The following ARHGAP15 variants were observed in gnomAD, a reference collection of about 807,000 sequenced individuals.
ARHGAP15 encodes the protein rho GTPase-activating protein 15.
Under a neutral mutation model 63.7 loss-of-function variants are expected in ARHGAP15, and 51 were observed. The ratio of observed to expected loss-of-function variants is 0.80; its 90% CI spans 0.64 to 1.01. The LOEUF is 1.01. Ranked by LOEUF, ARHGAP15 falls within the 50% of genes least tolerant of loss-of-function variation. The pLI is 0.00. For synonymous variants in ARHGAP15, 191 were observed against 193.8 expected, an observed-to-expected ratio of 0.99 and a Z score of 0.12; for missense variants, 560 against 564.6, an observed-to-expected ratio of 0.99 and a Z score of 0.08.
chr2:143,537,872 G>C (rs537761188), intron 10 of ARHGAP15, among the ~76,000 whole-genome samples: 316 of 151,786 alleles, frequency 2.1e-3, no homozygotes, highest in Non-Finnish European at 2.5e-3. Flanking sequence ...GCTCTTTTTT[G>C]GTTCCATATG....
intron 6 of ARHGAP15, among the ~76,000 whole-genome samples, chr2:143,417,402 G>A (rs1688737086): frequency 6.6e-6 from 1 of 152,124 alleles, no homozygotes; most frequent in Non-Finnish European, 1.5e-5. Context: ...AATGCACTAG[G>A]AGAAGAGCAT....
intron 6 of ARHGAP15, among the ~76,000 whole-genome samples, chr2:143,257,723 A>G (rs1680498950): frequency 6.6e-6 from 1 of 152,028 alleles, no homozygotes; most frequent in Non-Finnish European, 1.5e-5. Flanking sequence ...TTTTCCCATA[A>G]GCAGAATGAG....
intron 11 of ARHGAP15, among the ~76,000 whole-genome samples, chr2:143,615,488 T>A (rs1330347578): frequency 6.6e-6 from 1 of 152,218 alleles, no homozygotes; most frequent in Non-Finnish European, 1.5e-5. Flanking sequence ...ATTGGATGCT[T>A]TTCATATATT....
intron 8 of ARHGAP15, among the ~76,000 whole-genome samples, chr2:143,440,648 C>T (rs1283827028): frequency 3.3e-5 from 5 of 152,138 alleles, no homozygotes; most frequent in Non-Finnish European, 7.3e-5. Flanking sequence ...TTTACATATA[C>T]TTTTCTTTTA....
intron 10 of ARHGAP15, among the ~76,000 whole-genome samples, chr2:143,549,546 G>C (rs1695470824): frequency 6.6e-6 from 1 of 152,136 alleles, no homozygotes; most frequent in Non-Finnish European, 1.5e-5. Flanking sequence ...CAAGAGGGCA[G>C]TAAAGAAAGT....
At chr2:143,502,381 C>T (rs1269871405) in intron 9 of ARHGAP15, among the ~76,000 whole-genome samples, 1 of 151,810 alleles carries the variant, frequency 6.6e-6, no homozygotes, top group African/African-American at 2.4e-5. Flanking sequence ...TGCACTCCAG[C>T]CTGGGTGTCA....
At chr2:143,237,460 C>T (rs1432405155) in intron 5 of ARHGAP15, 3 of 152,122 alleles carry the variant, frequency 2.0e-5, no homozygotes, top group Non-Finnish European at 4.4e-5. Flanking sequence ...CGTTCTAGTG[C>T]AAAGAGAACA....
chr2:143,343,948 A>C (rs1685165919), intron 6 of ARHGAP15: 1 of 152,136 alleles, frequency 6.6e-6, no homozygotes, highest in African/African-American at 2.4e-5. Flanking sequence ...ATTTGCTACA[A>C]ATCAGGTTTA....
intron 6 of ARHGAP15, among the ~76,000 whole-genome samples, chr2:143,402,933 A>G (rs1688047282): frequency 1.3e-5 from 2 of 151,874 alleles, no homozygotes; most frequent in Admixed American, 6.6e-5. Flanking sequence ...TATTTTTCTT[A>G]TAGAAGAATA....
At chr2:143,629,866 G>A (rs1343583279) in intron 12 of ARHGAP15, among the ~76,000 whole-genome samples, 1 of 152,082 alleles carries the variant, frequency 6.6e-6, no homozygotes, top group East Asian at 1.9e-4. Context: ...TCCATGTTAG[G>A]CACTTAGTAA....
At chr2:143,445,162 T>TTA (rs1558976404) in intron 8 of ARHGAP15, among the ~76,000 whole-genome samples, 1 of 129,306 alleles carries the variant, frequency 7.7e-6, no homozygotes, top group African/African-American at 3.0e-5. Flanking sequence ...TATTTTTTTT[T>TTA]TTTTTTTTTT....
At chr2:143,526,575 C>T (rs1446484396) in intron 10 of ARHGAP15, among the ~76,000 whole-genome samples, 1 of 152,160 alleles carries the variant, frequency 6.6e-6, no homozygotes, top group East Asian at 1.9e-4. Flanking sequence ...GTGTCATTTA[C>T]ACAGTGGGAG....
chr2:143,669,933 G>C (rs1682430943), intron 12 of ARHGAP15, among the ~76,000 whole-genome samples: 1 of 152,160 alleles, frequency 6.6e-6, no homozygotes, highest in Admixed American at 6.5e-5. Flanking sequence ...TCATGCTGAA[G>C]TTAAGTTTAG....
intron 8 of ARHGAP15, among the ~76,000 whole-genome samples, chr2:143,476,450 T>G (rs1234968004): frequency 6.6e-6 from 1 of 152,198 alleles, no homozygotes; most frequent in Non-Finnish European, 1.5e-5. Flanking sequence ...ATGCCCAAAG[T>G]TGGCTTAAGT....
intron 6 of ARHGAP15, among the ~76,000 whole-genome samples, chr2:143,378,212 A>G (rs1686899216): frequency 6.6e-6 from 1 of 152,072 alleles, no homozygotes; most frequent in African/African-American, 2.4e-5. Context: ...AAATAAGGTC[A>G]TAAAGCACAA....
intron 10 of ARHGAP15, among the ~76,000 whole-genome samples, chr2:143,534,822 T>C (rs1008434349): frequency 6.6e-6 from 1 of 151,788 alleles, no homozygotes; most frequent in Non-Finnish European, 1.5e-5. Flanking sequence ...TTGAGGCTGC[T>C]GTGAGCTGTG....
At chr2:143,602,269 TG>T (rs1482578174) in intron 11 of ARHGAP15, among the ~76,000 whole-genome samples, 1 of 152,148 alleles carries the variant, frequency 6.6e-6, no homozygotes, top group East Asian at 1.9e-4. Flanking sequence ...AAGATAGCCC[TG>T]GAGTGAAGCA....
chr2:143,222,354 G>T (rs935331082), intron 4 of ARHGAP15, among the ~76,000 whole-genome samples: 9 of 152,274 alleles, frequency 5.9e-5, no homozygotes, highest in African/African-American at 2.2e-4. Flanking sequence ...CCAAATAAGA[G>T]AACCTGAAAT....
At chr2:143,471,679 G>A (rs1326251333) in intron 8 of ARHGAP15, among the ~76,000 whole-genome samples, 2 of 152,106 alleles carry the variant, frequency 1.3e-5, no homozygotes, top group Non-Finnish European at 2.9e-5. Context: ...AGAATGTTCA[G>A]GTCAGAGGAA....
Sources: gnomAD v4.1 joint callset for allele counts (sites outside exome capture counted in the v4.1 genomes callset) on GRCh38, gnomAD v4.1.1 for gene constraint, MANE v1.5 for transcripts, NCBI Gene and HGNC (gene_info 2026-07-23, HGNC 2026-07-21) for gene names.